COLGALT2: variants seen among roughly 807,000 people sequenced by gnomAD.
The protein encoded by COLGALT2 is procollagen galactosyltransferase 2.
A neutral mutation model predicts 73.4 loss-of-function variants in COLGALT2; 49 were observed. The ratio of observed to expected loss-of-function variants is 0.67; its 90% CI spans 0.53 to 0.85. The LOEUF (loss-of-function observed/expected upper bound fraction) is 0.85, where lower values mean the gene tolerates loss of function less well. COLGALT2 is among the 40% of genes least tolerant of loss of function. The pLI is 0.00. For synonymous variants in COLGALT2, 295 were observed against 307.6 expected (o/e 0.96, Z 0.43); for missense variants, 722 against 790.2 (o/e 0.91, Z 1.03).
chr1:184,033,282 C>G (rs1649572549), intron 1 of COLGALT2, among the ~76,000 whole-genome samples: 1 of 152,232 alleles, frequency 6.6e-6, no homozygotes, highest in Admixed American at 6.5e-5. Context: ...AGCCTTCCCT[C>G]TGTTGCTAAG....
At chr1:183,970,417 T>C (rs1671005530) in intron 4 of COLGALT2, among the ~76,000 whole-genome samples, 1 of 152,234 alleles carries the variant, frequency 6.6e-6, no homozygotes, top group African/African-American at 2.4e-5. Context: ...CTGGAAGTTC[T>C]TATGTGTTCA....
intron 5 of COLGALT2, among the ~76,000 whole-genome samples, chr1:183,965,766 A>G (rs939739146): frequency 6.1e-5 from 9 of 148,368 alleles, no homozygotes; most frequent in Non-Finnish European, 1.2e-4. Context: ...AAAAAAGGCA[A>G]TTATTAAAGG....
Position 184,037,361 on chromosome 1 carries a change from C to A in COLGALT2, c.-4G>T. 7.0e-7 allele frequency: 1 copy of A among 1,428,814 alleles called. No individual in the cohort carries two copies. The highest frequency in any genetic ancestry group is 9.2e-7 in the Non-Finnish European group (1 of 1,088,806). The allele number at this position is 1,428,814 out of a possible 1,614,324, so 88.5% of individuals were successfully genotyped here. On this transcript the variant is annotated 5_prime_UTR_variant, in exon 1 of 12. Transcript: ENST00000361927. ...TGGCAGCAGGGCGCGCAGCCATGTT[C>A]CGGGCCGAGGCGGGCGGCGGGGAAG...
chr1:183,953,147 C>G (rs949808387), intron 7 of COLGALT2, among the ~76,000 whole-genome samples: 3 of 152,202 alleles, frequency 2.0e-5, no homozygotes, highest in African/African-American at 7.2e-5. Context: ...AGTAAAAACA[C>G]AGATGGCTCA....
At chr1:183,999,627 T>A (rs531973706) in intron 1 of COLGALT2, among the ~76,000 whole-genome samples, 92 of 152,220 alleles carry the variant, frequency 6.0e-4, no homozygotes, top group African/African-American at 2.2e-3. Context: ...TGACTCAATT[T>A]CTTCAATGTT....
intron 2 of COLGALT2, among the ~76,000 whole-genome samples, chr1:183,975,609 G>A (rs899906910): frequency 3.9e-5 from 6 of 152,186 alleles, no homozygotes; most frequent in Admixed American, 1.3e-4. Flanking sequence ...TATACATCCC[G>A]ACATCGAATA....
intron 8 of COLGALT2, among the ~76,000 whole-genome samples, chr1:183,946,827 C>T (rs183075968): frequency 2.4e-3 from 367 of 152,226 alleles, no homozygotes; most frequent in African/African-American, 8.5e-3. Flanking sequence ...GTCTGGAGAT[C>T]GAGACCATCC....
chr1:184,010,593 C>T (rs902914559), intron 1 of COLGALT2, among the ~76,000 whole-genome samples: 4 of 152,182 alleles, frequency 2.6e-5, no homozygotes, highest in Admixed American at 6.5e-5. Context: ...ACCAGTCTTC[C>T]CTTCTGTCCT....
intron 1 of COLGALT2, among the ~76,000 whole-genome samples, chr1:184,005,069 T>G (rs1441013673): frequency 6.6e-6 from 1 of 152,192 alleles, no homozygotes; most frequent in African/African-American, 2.4e-5. Context: ...GAATGCTGGC[T>G]GAGGGCTCCC....
chr1:183,982,372 C>T (rs1671376868), intron 1 of COLGALT2, among the ~76,000 whole-genome samples: 1 of 152,156 alleles, frequency 6.6e-6, no homozygotes, highest in African/African-American at 2.4e-5. Flanking sequence ...AAGTCACATC[C>T]TTTGTGACTC....
At chr1:183,979,445 A>G (rs192185720) in intron 1 of COLGALT2, among the ~76,000 whole-genome samples, 30 of 152,270 alleles carry the variant, frequency 2.0e-4, no homozygotes, top group Admixed American at 8.5e-4. Flanking sequence ...ATCAAAATAT[A>G]CAAAGTATGA....
chr1:183,995,962 T>G (rs909965669), intron 1 of COLGALT2, among the ~76,000 whole-genome samples: 5 of 152,254 alleles, frequency 3.3e-5, no homozygotes, highest in African/African-American at 4.8e-5. Context: ...TGTTTTTAAC[T>G]TTTCAATCTT....
At chr1:184,024,655 C>CTT (rs35844838) in intron 1 of COLGALT2, among the ~76,000 whole-genome samples, 2,206 of 128,232 alleles carry the variant, frequency 0.017, 71 homozygotes, top group African/African-American at 0.059. Context: ...CCAGCCTCAG[C>CTT]TTTTTTTTTT....
At chr1:184,036,086 G>A (rs1039178119) in intron 1 of COLGALT2, among the ~76,000 whole-genome samples, 1 of 152,132 alleles carries the variant, frequency 6.6e-6, no homozygotes, top group African/African-American at 2.4e-5. Flanking sequence ...GCTCCAGAGT[G>A]ACCTGGGCTC....
chr1:183,990,072 A>G (rs1387582075), intron 1 of COLGALT2, among the ~76,000 whole-genome samples: 1 of 152,240 alleles, frequency 6.6e-6, no homozygotes, highest in Non-Finnish European at 1.5e-5. Flanking sequence ...ATTTTTTAAG[A>G]ATAAAAGATA....
intron 1 of COLGALT2, among the ~76,000 whole-genome samples, chr1:184,009,237 T>A (rs1326838307): frequency 1.3e-5 from 2 of 152,238 alleles, no homozygotes; most frequent in African/African-American, 2.4e-5. Context: ...GTTGTCAGCA[T>A]TAAACATGAT....
At chr1:183,989,379 A>G (rs1380601669) in intron 1 of COLGALT2, among the ~76,000 whole-genome samples, 1 of 152,212 alleles carries the variant, frequency 6.6e-6, no homozygotes, top group Non-Finnish European at 1.5e-5. Context: ...CCTCTGAAAC[A>G]TGAGGTCATG....
In COLGALT2 at chr1:183,985,492, G is replaced by A. The variant is rs562923579; in HGVS notation, c.264-6972C>T. Among the ~76,000 whole-genome samples, 43 of 152,072 alleles carry A rather than the reference G, an allele frequency of 2.8e-4. 1 individual carries two copies. In the South Asian group the frequency reaches 3.7e-3, roughly 13 times the overall value. On this transcript the variant is annotated intron_variant, in intron 1 of 11. Coordinates refer to ENST00000361927, the MANE Select transcript of COLGALT2 (RefSeq NM_015101.4). ...TCACCATGTTTGTCAGGCTGGTTTC[G>A]AACTCCTGATCCTCAGGTGATCCAC... is the stretch of plus-strand genomic sequence containing the variant.
chr1:183,972,931 C>T (rs1243989822), intron 4 of COLGALT2, among the ~76,000 whole-genome samples: 2 of 152,152 alleles, frequency 1.3e-5, no homozygotes, highest in East Asian at 3.8e-4. Flanking sequence ...AATCTCCTGA[C>T]CTTGTAATCC....
Sources: allele counts gnomAD v4.1 joint callset (sites outside exome capture counted in the v4.1 genomes callset), GRCh38; gene constraint gnomAD v4.1.1; transcripts MANE v1.5; gene names NCBI Gene and HGNC (gene_info 2026-07-23, HGNC 2026-07-21).